Variants in GATB observed in about 807,000 individuals in gnomAD.
GATB encodes glutamyl-tRNA amidotransferase subunit B.
In GATB, 39 loss-of-function variants were observed where a neutral mutation model predicts 62.3. The ratio of observed to expected loss-of-function variants is 0.63; its 90% CI spans 0.48 to 0.82. The LOEUF (loss-of-function observed/expected upper bound fraction) is 0.82, where lower values mean the gene tolerates loss of function less well. Ranked by LOEUF, GATB falls within the 40% of genes least tolerant of loss-of-function variation. The pLI, the probability that GATB is intolerant of heterozygous loss-of-function variation, is 0.00. For synonymous variants in GATB, 276 were observed against 258.9 expected, an observed-to-expected ratio of 1.07 and a Z score of -0.63; for missense variants, 670 against 684.0, an observed-to-expected ratio of 0.98 and a Z score of 0.23.
At chr4:151,671,663 C>A (rs1737865469) in intron 12 of GATB, among the ~76,000 whole-genome samples, 1 of 152,154 alleles carries the variant, frequency 6.6e-6, no homozygotes, top group Non-Finnish European at 1.5e-5. Flanking sequence ...TGCGTCTAAT[C>A]AGTGAGGACA....
intron 2 of GATB, among the ~76,000 whole-genome samples, chr4:151,735,498 G>A (rs1183735670): frequency 6.6e-6 from 1 of 151,928 alleles, no homozygotes; most frequent in Non-Finnish European, 1.5e-5. Context: ...TGGTGGGAAT[G>A]TAAACTAGTA....
chr4:151,681,342 T>C (rs975383263), intron 10 of GATB, among the ~76,000 whole-genome samples: 4 of 152,208 alleles, frequency 2.6e-5, no homozygotes, highest in Admixed American at 2.6e-4. Context: ...AAGTGAAACT[T>C]AGGTTTGGAG....
At chr4:151,711,852 A>G (rs1259632007) in intron 5 of GATB, among the ~76,000 whole-genome samples, 1 of 152,194 alleles carries the variant, frequency 6.6e-6, no homozygotes, top group African/African-American at 2.4e-5. Context: ...TTCCTGAGCA[A>G]TGAGTAAGCA....
intron 3 of GATB, among the ~76,000 whole-genome samples, 196 bp downstream of exon 3, chr4:151,719,229 G>A (rs1738977407): frequency 6.6e-6 from 1 of 152,188 alleles, no homozygotes; most frequent in African/African-American, 2.4e-5. Flanking sequence ...TCAGCAATCA[G>A]GACAACTGCA....
Position 151,760,935 on chromosome 4 carries a change from AG to A in GATB, c.47del (p.Ala16ValfsTer52). The A allele has an allele frequency of 6.2e-7, 1 of 1,613,774 alleles. No individual in the cohort carries two copies. Among genetic ancestry groups the A allele is most frequent in the Non-Finnish European group, 8.5e-7 (1 of 1,179,930 alleles). The stretch of plus-strand genomic sequence containing the variant: ...AAGAACCACCGTCAACCCGGGCGAA[AG>A]CCCAACGTCTTCCACGGCAGCCCCA... Reference protein sequence around the residue: ...LRWGCRGRRWAFARVDGGSCH... With the variant: ...LRWGCRGRRWXFARVDGGSCH... On this transcript the variant is annotated frameshift_variant, in exon 1 of 13. Coordinates refer to ENST00000263985, the MANE Select transcript of GATB (RefSeq NM_004564.3). LOFTEE classifies it high-confidence loss of function.
intron 2 of GATB, among the ~76,000 whole-genome samples, chr4:151,748,596 G>A (rs1185427467): frequency 6.6e-6 from 1 of 152,078 alleles, no homozygotes; most frequent in Non-Finnish European, 1.5e-5. Context: ...CAGGACATAG[G>A]CATGGGCAAG....
intron 2 of GATB, among the ~76,000 whole-genome samples, chr4:151,728,434 C>T (rs1739179821): frequency 6.6e-6 from 1 of 152,188 alleles, no homozygotes. Flanking sequence ...TTTTTGAATA[C>T]AACTTTAGGA....
chr4:151,759,699 G>C (rs1402801603), intron 1 of GATB, among the ~76,000 whole-genome samples: 3 of 151,912 alleles, frequency 2.0e-5, no homozygotes, highest in African/African-American at 7.3e-5. Flanking sequence ...TCTGTACATA[G>C]GCCTCTCCAG....
intron 7 of GATB, among the ~76,000 whole-genome samples, chr4:151,704,460 T>C (rs1364604141): frequency 6.6e-6 from 1 of 152,144 alleles, no homozygotes; most frequent in African/African-American, 2.4e-5. Flanking sequence ...CTTTTCTTTT[T>C]TTTTTTTCTT....
chr4:151,693,670 A>C (rs1367379912), intron 9 of GATB, among the ~76,000 whole-genome samples: 1 of 152,164 alleles, frequency 6.6e-6, no homozygotes, highest in East Asian at 1.9e-4. Flanking sequence ...TTTGGTGCCC[A>C]CAATTTTTAT....
intron 10 of GATB, among the ~76,000 whole-genome samples, chr4:151,680,159 C>G (rs573695999): frequency 2.0e-5 from 3 of 151,948 alleles, no homozygotes; most frequent in Admixed American, 6.6e-5. Flanking sequence ...CAGACAACTG[C>G]TCAGTGTAAT....
intron 9 of GATB, 27 bp from the exon 10 acceptor site, chr4:151,688,790 C>T (rs779160408): frequency 1.5e-5 from 24 of 1,561,294 alleles, no homozygotes; most frequent in South Asian, 6.0e-5. Flanking sequence ...AAGAAAATTA[C>T]ATAAAGCCTC....
intron 11 of GATB, chr4:151,674,452 A>G (rs1737952914): frequency 6.6e-6 from 1 of 152,208 alleles, no homozygotes; most frequent in Non-Finnish European, 1.5e-5. Flanking sequence ...ATCATTTTCT[A>G]ATAATAAAAG....
Position 151,731,859 on chromosome 4 carries a change from T to G in GATB, c.328-12321A>C, listed in dbSNP as rs1739262756. Among the ~76,000 whole-genome samples the G allele has an allele frequency of 2.7e-5, 4 of 149,510 alleles. No homozygotes were observed. In the South Asian group the frequency reaches 8.6e-4, roughly 32 times the overall value. The stretch of plus-strand genomic sequence containing the variant: ...CCCGGCAGCCGCCCCATCTGAGAAG[T>G]GAGGAGCCCCTCCGCCCGGCAGCCA... On this transcript the variant is annotated intron_variant, in intron 2 of 12. Transcript: ENST00000263985.
At chr4:151,699,391 A>T (rs1405625901) in intron 9 of GATB, among the ~76,000 whole-genome samples, 1 of 151,430 alleles carries the variant, frequency 6.6e-6, no homozygotes, top group African/African-American at 2.4e-5. Flanking sequence ...CTGTCTCAAA[A>T]AAAAAAAAAA....
At chr4:151,737,677 T>G (rs143187009) in intron 2 of GATB, among the ~76,000 whole-genome samples, 5 of 152,244 alleles carry the variant, frequency 3.3e-5, no homozygotes, top group South Asian at 2.1e-4. Flanking sequence ...GAAAATGGTT[T>G]TGTGGATCAG....
intron 2 of GATB, 86 bp downstream of exon 2, chr4:151,758,686 T>C (rs930718812): frequency 4.4e-6 from 5 of 1,139,582 alleles, no homozygotes; most frequent in Non-Finnish European, 6.1e-6. Context: ...AGAGTTGTGT[T>C]ATTATTAAAA....
At chr4:151,738,015 GC>G (rs1302913121) in intron 2 of GATB, among the ~76,000 whole-genome samples, 1 of 152,150 alleles carries the variant, frequency 6.6e-6, no homozygotes, top group African/African-American at 2.4e-5. Flanking sequence ...AGCCCCCAGA[GC>G]CCCAAGACAG....
intron 2 of GATB, among the ~76,000 whole-genome samples, chr4:151,729,524 T>C (rs1435033738): frequency 6.6e-6 from 1 of 152,168 alleles, no homozygotes; most frequent in African/African-American, 2.4e-5. Context: ...ACTGTGATCA[T>C]AGAAGTGAAC....
Sources: allele counts gnomAD v4.1 joint callset (sites outside exome capture counted in the v4.1 genomes callset), GRCh38; gene constraint gnomAD v4.1.1; transcripts MANE v1.5; gene names NCBI Gene and HGNC (gene_info 2026-07-23, HGNC 2026-07-21).